Variants in RIC3 observed in about 807,000 individuals in gnomAD.
RIC3 encodes RIC3 acetylcholine receptor chaperone.
In RIC3, 28 loss-of-function variants were observed where a neutral mutation model predicts 27.3. The ratio of observed to expected loss-of-function variants is 1.02; its 90% confidence interval spans 0.76 to 1.41. RIC3 has a LOEUF of 1.41. Among genes scored for constraint, RIC3 ranks in the 40% most tolerant of loss-of-function variants. The pLI is 0.00. For missense variants in RIC3, 501 were observed against 444.7 expected, an observed-to-expected ratio of 1.13 and a Z score of -1.14; for synonymous variants, 184 against 160.4, an observed-to-expected ratio of 1.15 and a Z score of -1.11.
chr11:8,098,887 G>C, the RIC3 span: 1 of 1,584,634 alleles, frequency 6.3e-7, no homozygotes, highest in South Asian at 1.1e-5. Flanking sequence ...TGAGTCCTAG[G>C]TTCGGGGGTC....
chr11:8,114,787 T>C (rs1945666936), intron 5 of RIC3, among the ~76,000 whole-genome samples: 1 of 150,098 alleles, frequency 6.7e-6, no homozygotes, highest in Non-Finnish European at 1.5e-5. Flanking sequence ...TGAAATTATA[T>C]TAAAAAAATC....
intron 1 of RIC3, among the ~76,000 whole-genome samples, chr11:8,166,378 T>C (rs1357614661): frequency 6.6e-6 from 1 of 152,210 alleles, no homozygotes; most frequent in African/African-American, 2.4e-5. Flanking sequence ...AAGGCTTTCA[T>C]GTGGAAAGGG....
intron 1 of RIC3, among the ~76,000 whole-genome samples, chr11:8,157,552 G>A (rs373443396): frequency 5.9e-5 from 9 of 152,252 alleles, no homozygotes; most frequent in Non-Finnish European, 1.0e-4. Context: ...AGTGGTCTCC[G>A]GCTGGAAGAC....
chr11:8,147,431 C>G (rs1949809108), intron 1 of RIC3, among the ~76,000 whole-genome samples: 1 of 151,612 alleles, frequency 6.6e-6, no homozygotes, highest in Non-Finnish European at 1.5e-5. Flanking sequence ...TTGATTGTCT[C>G]CTGGGTCTGG....
downstream of RIC3, chr11:8,105,191 C>T (rs1233429730): frequency 2.0e-5 from 3 of 152,180 alleles, no homozygotes; most frequent in Non-Finnish European, 4.4e-5. Context: ...GCCTTCCCTT[C>T]TCTAATTCCT....
chr11:8,130,674 C>T (rs1947582365), intron 4 of RIC3, among the ~76,000 whole-genome samples: 1 of 152,064 alleles, frequency 6.6e-6, no homozygotes, highest in Non-Finnish European at 1.5e-5. Context: ...TGTAGTCACT[C>T]TATATATTAC....
chr11:8,099,836 CAGTG>C, the RIC3 span, among the ~76,000 whole-genome samples: 2 of 152,094 alleles, frequency 1.3e-5, no homozygotes, highest in African/African-American at 2.4e-5. Flanking sequence ...CTAGGGGACA[CAGTG>C]AGGACAAAAG....
Position 8,126,691 on chromosome 11 carries a change from G to C in RIC3, c.638C>G (p.Ala213Gly). ...GTCCTCCATGTAAGGGGCCTCCTCA[G>C]CTTCTTTCTCTGGAGAAAATCTGTC... ...FIDRFSPEKE[A>G]EEAPYMEDWE... Residue 213 changes from alanine (A) to glycine (G), a missense_variant, in exon 5 of 6, where the codon GCT (alanine) becomes GGT (glycine). Physicochemically the swap from Ala to Gly is moderately conservative, Grantham distance 60 (BLOSUM62 0). Coordinates refer to ENST00000309737, the MANE Select transcript of RIC3 (RefSeq NM_001206671.4). The C allele has an allele frequency of 1.2e-6, 2 of 1,614,110 alleles. No individual in the cohort carries two copies. The highest frequency in any genetic ancestry group is 1.3e-5 in the African/African-American group (1 of 75,028).
chr11:8,101,858 C>CT, downstream of RIC3: 2 of 479,314 alleles, frequency 4.2e-6, no homozygotes, highest in South Asian at 3.7e-5. Context: ...CTTTCCATGC[C>CT]ACGAGATCAA....
chr11:8,152,441 T>C (rs1950324365), intron 1 of RIC3, among the ~76,000 whole-genome samples: 1 of 152,144 alleles, frequency 6.6e-6, no homozygotes, highest in Admixed American at 6.5e-5. Context: ...TCCGAAAATA[T>C]TATAAGTGAA....
At chr11:8,101,787 GC>G, downstream of RIC3, 44 of 1,252,594 alleles carry the variant, frequency 3.5e-5, no homozygotes, top group Non-Finnish European at 4.5e-5. Flanking sequence ...CTTTGCCTCT[GC>G]TACTGAGGCA....
At chr11:8,134,903 G>A (rs1436017787) in intron 4 of RIC3, among the ~76,000 whole-genome samples, 4 of 152,154 alleles carry the variant, frequency 2.6e-5, no homozygotes, top group African/African-American at 9.7e-5. Context: ...CCCTTTGTCA[G>A]ATGAGTAGAT....
chr11:8,152,847 G>C (rs920028373), intron 1 of RIC3, among the ~76,000 whole-genome samples: 1 of 152,090 alleles, frequency 6.6e-6, no homozygotes, highest in East Asian at 1.9e-4. Flanking sequence ...AATACCTCAG[G>C]ATAGAAAACA....
chr11:8,095,282 T>TG, the RIC3 span, among the ~76,000 whole-genome samples: 1 of 152,192 alleles, frequency 6.6e-6, no homozygotes, highest in Non-Finnish European at 1.5e-5. Context: ...GCAATTAATT[T>TG]GGGGGAAGAG....
rs1038830937 is a variant in RIC3 at position 8,106,128 on chromosome 11, G to A, written c.*4570C>T. ...CTGGAGCAAATGTATTTATTTATTG[G>A]TATGTGCAATGACAAACTTGGTATT... On this transcript the variant is annotated 3_prime_UTR_variant, in exon 6 of 6. Coordinates refer to ENST00000309737, the MANE Select transcript of RIC3 (RefSeq NM_001206671.4). The A allele has an allele frequency of 3.3e-5, 5 of 151,676 alleles. No homozygotes were observed. Among genetic ancestry groups the A allele is most frequent in the African/African-American group, 1.2e-4 (5 of 41,390 alleles). 9.4% of individuals were successfully genotyped at this position (151,676 alleles called of 1,614,324 possible).
At chr11:8,100,218 G>A in the RIC3 span, among the ~76,000 whole-genome samples, 8 of 152,338 alleles carry the variant, frequency 5.3e-5, no homozygotes, top group East Asian at 1.5e-3. Flanking sequence ...ATTAGACGTA[G>A]GATGTAGAAG....
the RIC3 span, chr11:8,097,938 C>T: frequency 9.2e-5 from 71 of 770,990 alleles, no homozygotes; most frequent in East Asian, 1.3e-3. Flanking sequence ...GATGGATACT[C>T]TCCCAGGATC....
intron 1 of RIC3, among the ~76,000 whole-genome samples, chr11:8,164,695 T>G (rs1476629870): frequency 6.6e-6 from 1 of 150,850 alleles, no homozygotes; most frequent in African/African-American, 2.4e-5. Context: ...GGAGAATCAC[T>G]TGAGCCCAGG....
intron 1 of RIC3, among the ~76,000 whole-genome samples, chr11:8,151,585 C>CAAAAAAAAAAAAAAAAAAAAAA (rs60087055): frequency 1.6e-5 from 1 of 61,696 alleles, no homozygotes; most frequent in African/African-American, 1.1e-4. Flanking sequence ...AACTCCGTCT[C>CAAAAAAAAAAAAAAAAAAAAAA]AAAAAAAAAA....
Sources: allele counts gnomAD v4.1 joint callset (sites outside exome capture counted in the v4.1 genomes callset), GRCh38; gene constraint gnomAD v4.1.1; transcripts MANE v1.5; gene names NCBI Gene and HGNC (gene_info 2026-07-23, HGNC 2026-07-21).